The following MDGA2 variants were observed in gnomAD, a reference collection of about 807,000 sequenced individuals.
MDGA2 encodes the protein MAM domain containing glycosylphosphatidylinositol anchor 2.
Under a neutral mutation model 117.8 loss-of-function variants are expected in MDGA2, and 40 were observed. The observed-to-expected ratio is 0.34, with a 90% CI of 0.26 to 0.44. MDGA2 has a LOEUF of 0.44. Ranked by LOEUF, MDGA2 falls within the 20% of genes least tolerant of loss-of-function variation. The probability of loss-of-function intolerance (pLI) is 1.00; values close to 1 mark genes in which losing one functional copy is unlikely to be tolerated. For missense variants in MDGA2, 1,123 were observed against 1,250.6 expected (o/e 0.90, Z 1.54); for synonymous variants, 452 against 439.0 (o/e 1.03, Z -0.37).
At chr14:47,108,848 G>A (rs558290414) in intron 5 of MDGA2, among the ~76,000 whole-genome samples, 1 of 152,304 alleles carries the variant, frequency 6.6e-6, no homozygotes, top group East Asian at 1.9e-4. Context: ...GCAAAAGTCA[G>A]TGAAGCAAAA....
chr14:47,347,219 A>C (rs2138339059), intron 1 of MDGA2, among the ~76,000 whole-genome samples: 1 of 152,314 alleles, frequency 6.6e-6, no homozygotes, highest in East Asian at 1.9e-4. Context: ...TTTTATTTTT[A>C]AAAGTCATTC....
At chr14:47,021,985 T>C (rs1403735839) in intron 8 of MDGA2, among the ~76,000 whole-genome samples, 2 of 152,194 alleles carry the variant, frequency 1.3e-5, no homozygotes, top group East Asian at 3.8e-4. Flanking sequence ...CTAGGTTGAA[T>C]TGCAGTATCA....
intron 1 of MDGA2, among the ~76,000 whole-genome samples, chr14:47,658,470 A>T (rs1452312692): frequency 1.3e-5 from 2 of 152,136 alleles, no homozygotes; most frequent in Non-Finnish European, 2.9e-5. Flanking sequence ...AGGAATGATG[A>T]GTATCAGACA....
At chr14:47,076,615 T>A (rs997457620) in intron 6 of MDGA2, among the ~76,000 whole-genome samples, 4 of 151,802 alleles carry the variant, frequency 2.6e-5, no homozygotes, top group Admixed American at 1.3e-4. Flanking sequence ...CATTATTTTT[T>A]AAAAACATCT....
rs887223249 is a variant in MDGA2, at chr14:47,166,036, T to A, written c.596-21762A>T. Reference sequence around the variant, plus strand: ...ATTTTATAAGCAGCACTGTTTACTTTTTTTTTTTTTTTTTTTTTAGACAGA... The same window carrying A: ...ATTTTATAAGCAGCACTGTTTACTTATTTTTTTTTTTTTTTTTTAGACAGA... On this transcript the variant is annotated intron_variant, in intron 3 of 16. Coordinates refer to ENST00000399232, the MANE Select transcript of MDGA2 (RefSeq NM_001113498.3). Among the ~76,000 whole-genome samples, 172 of 145,432 alleles carry A rather than the reference T, an allele frequency of 1.2e-3. 2 individuals are homozygous for A. Among genetic ancestry groups the A allele is most frequent in the Admixed American group, 3.9e-3 (57 of 14,576 alleles).
At chr14:47,546,915 G>A (rs1895474422) in intron 1 of MDGA2, among the ~76,000 whole-genome samples, 1 of 152,154 alleles carries the variant, frequency 6.6e-6, no homozygotes, top group Admixed American at 6.5e-5. Flanking sequence ...TAGGCACACA[G>A]TAAATGGAAT....
chr14:47,385,686 T>G (rs1282987666), intron 1 of MDGA2, among the ~76,000 whole-genome samples: 1 of 152,176 alleles, frequency 6.6e-6, no homozygotes, highest in African/African-American at 2.4e-5. Flanking sequence ...TGTCACTGTT[T>G]CTTTCTAAAT....
At chr14:47,316,703 G>C (rs747176225) in intron 1 of MDGA2, among the ~76,000 whole-genome samples, 1 of 151,990 alleles carries the variant, frequency 6.6e-6, no homozygotes, top group Non-Finnish European at 1.5e-5. Flanking sequence ...TTAATATTTA[G>C]AATGCAAAGT....
At chr14:47,157,867 T>C (rs1383433668) in intron 3 of MDGA2, among the ~76,000 whole-genome samples, 1 of 152,142 alleles carries the variant, frequency 6.6e-6, no homozygotes, top group Non-Finnish European at 1.5e-5. Context: ...TGTGAAGAAG[T>C]GCCTTTAACC....
chr14:46,924,095 T>C (rs1336946481), intron 9 of MDGA2, among the ~76,000 whole-genome samples: 1 of 152,176 alleles, frequency 6.6e-6, no homozygotes, highest in African/African-American at 2.4e-5. Context: ...CCTAGAACTA[T>C]ATTCATTAAC....
intron 1 of MDGA2, among the ~76,000 whole-genome samples, chr14:47,557,246 C>CA (rs1895702119): frequency 6.6e-6 from 1 of 152,060 alleles, no homozygotes; most frequent in East Asian, 1.9e-4. Flanking sequence ...ATAAGGGAGG[C>CA]AAGATTTACA....
intron 1 of MDGA2, among the ~76,000 whole-genome samples, chr14:47,576,511 T>C (rs1198818990): frequency 5.3e-5 from 8 of 152,100 alleles, no homozygotes; most frequent in Non-Finnish European, 8.8e-5. Flanking sequence ...TCCCCAGTGT[T>C]CAATCTCCAA....
intron 1 of MDGA2, among the ~76,000 whole-genome samples, chr14:47,593,085 C>T (rs1440544584): frequency 6.6e-6 from 1 of 152,122 alleles, no homozygotes; most frequent in Non-Finnish European, 1.5e-5. Context: ...TGAACAGACA[C>T]TTCTCAAAAG....
In MDGA2 at chr14:47,059,380, C is replaced by A. The variant is rs1206753701; in HGVS notation, c.1525+1869G>T. The A allele has an allele frequency of 7.7e-6, 9 of 1,168,746 alleles. No individual in the cohort carries two copies. The East Asian group carries it at 4.1e-4, about 54-fold the overall frequency. 72.4% of individuals were successfully genotyped at this position (1,168,746 alleles called of 1,614,324 possible). A position where few individuals can be genotyped will look rare whatever the true frequency, so the allele number is the denominator to read the frequency against. On this transcript the variant is annotated intron_variant, in intron 7 of 16. Coordinates refer to ENST00000399232, the MANE Select transcript of MDGA2 (RefSeq NM_001113498.3). The stretch of plus-strand genomic sequence containing the variant: ...ATTTCTTTTATCTCCAATAGTGTTA[C>A]CTTGGGTAGCCAGGCAAATTAATGA...
chr14:47,369,217 T>C (rs1891293173), intron 1 of MDGA2, among the ~76,000 whole-genome samples: 1 of 152,122 alleles, frequency 6.6e-6, no homozygotes, highest in African/African-American at 2.4e-5. Context: ...AAAAATCCTC[T>C]GATAACTTCA....
At chr14:46,953,247 G>T (rs1051386173) in intron 9 of MDGA2, among the ~76,000 whole-genome samples, 2 of 150,388 alleles carry the variant, frequency 1.3e-5, no homozygotes, top group Non-Finnish European at 3.0e-5. Flanking sequence ...CATATTGGTG[G>T]TTTTATACTC....
chr14:47,045,691 G>A (rs971840027), intron 7 of MDGA2, among the ~76,000 whole-genome samples: 15 of 152,082 alleles, frequency 9.9e-5, no homozygotes, highest in East Asian at 3.9e-4. Context: ...GGGGGCAGGC[G>A]CAGTGATTCA....
intron 1 of MDGA2, among the ~76,000 whole-genome samples, chr14:47,417,387 C>T (rs988254151): frequency 5.3e-5 from 8 of 152,148 alleles, no homozygotes; most frequent in African/African-American, 1.7e-4. Flanking sequence ...ACAAGGATCA[C>T]CTTTCCTCAA....
At chr14:47,217,633 AG>A (rs1442924164) in intron 3 of MDGA2, among the ~76,000 whole-genome samples, 1 of 152,038 alleles carries the variant, frequency 6.6e-6, no homozygotes, top group African/African-American at 2.4e-5. Context: ...ATTCACATGT[AG>A]GTAAAAAAAA....
Sources: allele counts gnomAD v4.1 joint callset (sites outside exome capture counted in the v4.1 genomes callset), GRCh38; gene constraint gnomAD v4.1.1; transcripts MANE v1.5; gene names NCBI Gene and HGNC (gene_info 2026-07-23, HGNC 2026-07-21).